Variants in CRB1 observed in about 807,000 individuals in gnomAD.
CRB1 encodes the protein protein crumbs homolog 1.
Under a neutral mutation model 120.0 loss-of-function variants are expected in CRB1, and 83 were observed. The ratio of observed to expected loss-of-function variants is 0.69; its 90% CI spans 0.58 to 0.83. The LOEUF (loss-of-function observed/expected upper bound fraction) is 0.83, where lower values mean the gene tolerates loss of function less well. CRB1 is among the 40% of genes least tolerant of loss of function. The probability of loss-of-function intolerance (pLI) is 0.00; values close to 1 mark genes in which losing one functional copy is unlikely to be tolerated. For missense variants in CRB1, 1,699 were observed against 1,687.6 expected, an observed-to-expected ratio of 1.01 and a Z score of -0.12; for synonymous variants, 625 against 612.5, an observed-to-expected ratio of 1.02 and a Z score of -0.30.
At chr1:197,268,512 C>A in intron 1 of CRB1, 30 bp downstream of exon 1, 1 of 1,480,894 alleles carries the variant, frequency 6.8e-7, no homozygotes, top group Non-Finnish European at 9.4e-7. Context: ...GGCATTTTTC[C>A]TGGTTTATTT....
At chr1:197,331,081 C>G (rs1412535559) in intron 2 of CRB1, among the ~76,000 whole-genome samples, 2 of 151,902 alleles carry the variant, frequency 1.3e-5, no homozygotes, top group Non-Finnish European at 2.9e-5. Flanking sequence ...ACTCATGAAC[C>G]CGGGAGGCAG....
intron 11 of CRB1, among the ~76,000 whole-genome samples, chr1:197,460,520 C>T (rs1435800209): frequency 6.6e-6 from 1 of 152,038 alleles, no homozygotes; most frequent in African/African-American, 2.4e-5. Context: ...AAGGGTTGTG[C>T]CTTCTCTGAT....
intron 5 of CRB1, among the ~76,000 whole-genome samples, chr1:197,398,602 A>G (rs981228784): frequency 6.6e-6 from 1 of 152,186 alleles, no homozygotes; most frequent in African/African-American, 2.4e-5. Context: ...TGTTAGATGA[A>G]TGGTCAAATT....
At position 197,280,123 on chromosome 1, in the gene CRB1, T is replaced by A. The variant is rs563736963; in HGVS notation, c.70+11641T>A. On this transcript the variant is annotated intron_variant, in intron 1 of 11. Coordinates refer to ENST00000367400, the MANE Select transcript of CRB1 (RefSeq NM_201253.3). ...CACAACCATATCACACGGTCAGAAT[T>A]TGGAAATACCAGCGTCACCATTCAT... Among the ~76,000 whole-genome samples the A allele has an allele frequency of 1.1e-3, 173 of 151,966 alleles. 1 individual carries two copies. The highest frequency in any genetic ancestry group is 3.8e-3 in the African/African-American group (157 of 41,506).
intron 1 of CRB1, among the ~76,000 whole-genome samples, chr1:197,275,438 A>G (rs1037657564): frequency 6.6e-6 from 1 of 152,084 alleles, no homozygotes; most frequent in African/African-American, 2.4e-5. Context: ...TGGAGTAAAT[A>G]GTTGTTATGT....
the CRB1 span, among the ~76,000 whole-genome samples, chr1:197,249,348 A>G: frequency 3.9e-5 from 6 of 152,118 alleles, no homozygotes; most frequent in Non-Finnish European, 7.4e-5. Flanking sequence ...ATCTTGTACA[A>G]AGAACATGGA....
At chr1:197,445,979 C>T (rs1357845951) in intron 11 of CRB1, among the ~76,000 whole-genome samples, 4 of 152,084 alleles carry the variant, frequency 2.6e-5, no homozygotes, top group Admixed American at 2.0e-4. Flanking sequence ...GACCTGCAGT[C>T]AGGAGTTCAA....
At chr1:197,369,377 C>T (rs759346037) in intron 5 of CRB1, among the ~76,000 whole-genome samples, 2 of 152,032 alleles carry the variant, frequency 1.3e-5, no homozygotes, top group Admixed American at 6.6e-5. Context: ...CACCATGACA[C>T]GCACATTCAC....
chr1:197,352,669 C>T (rs972911255), intron 4 of CRB1, among the ~76,000 whole-genome samples: 70 of 146,544 alleles, frequency 4.8e-4, no homozygotes, highest in Non-Finnish European at 8.8e-4. Context: ...CTTGATCTGA[C>T]ATGTTATTTT....
intron 2 of CRB1, 146 bp downstream of exon 2, chr1:197,329,149 T>A: frequency 1.3e-6 from 1 of 759,754 alleles, no homozygotes; most frequent in Non-Finnish European, 2.3e-6. Context: ...AGAAACTCCC[T>A]AAACTGCTGA....
At chr1:197,324,959 A>T (rs762658910) in intron 1 of CRB1, among the ~76,000 whole-genome samples, 1 of 152,194 alleles carries the variant, frequency 6.6e-6, no homozygotes, top group Non-Finnish European at 1.5e-5. Context: ...TCTACTTCTT[A>T]TTTTAACTGC....
chr1:197,304,042 G>A (rs1043096315), intron 1 of CRB1, among the ~76,000 whole-genome samples: 1 of 152,106 alleles, frequency 6.6e-6, no homozygotes, highest in Admixed American at 6.6e-5. Flanking sequence ...TGGAAAAATG[G>A]AAGAGTTATA....
At chr1:197,345,612 A>G (rs147963846) in intron 3 of CRB1, among the ~76,000 whole-genome samples, 5 of 149,392 alleles carry the variant, frequency 3.3e-5, no homozygotes, top group African/African-American at 1.2e-4. Flanking sequence ...GGTTCAAGCA[A>G]TTCTCCTGCC....
chr1:197,344,948 G>C (rs1659683402), intron 3 of CRB1, among the ~76,000 whole-genome samples: 1 of 152,098 alleles, frequency 6.6e-6, no homozygotes, highest in Non-Finnish European at 1.5e-5. Context: ...CAGGGAATTG[G>C]GTGAATATTT....
intron 4 of CRB1, among the ~76,000 whole-genome samples, chr1:197,355,093 G>C (rs1484304798): frequency 6.6e-6 from 1 of 151,862 alleles, no homozygotes; most frequent in Non-Finnish European, 1.5e-5. Context: ...CCTTGAGCTA[G>C]ACACAGGGTG....
In CRB1 at chr1:197,346,810, C is replaced by T. The variant is rs114933059; in HGVS notation, c.849-530C>T. On this transcript the variant is annotated intron_variant, in intron 3 of 11. Coordinates refer to ENST00000367400, the MANE Select transcript of CRB1 (RefSeq NM_201253.3). The stretch of plus-strand genomic sequence containing the variant: ...TTCTTGCAATCTAAAAATAAGAGAA[C>T]ATCGTAAGTCACAATTCATTTAATA... Among the ~76,000 whole-genome samples the T allele has an allele frequency of 8.3e-3, 1,269 of 152,232 alleles. 23 individuals carry two copies. Among genetic ancestry groups the T allele is most frequent in the African/African-American group, 0.029 (1,214 of 41,512 alleles).
At chr1:197,408,485 C>T (rs1305546404) in intron 5 of CRB1, among the ~76,000 whole-genome samples, 1 of 152,062 alleles carries the variant, frequency 6.6e-6, no homozygotes, top group Non-Finnish European at 1.5e-5. Context: ...GAATGTCGGG[C>T]CTTACCAGGT....
chr1:197,250,870 T>A, the CRB1 span, among the ~76,000 whole-genome samples: 1 of 152,040 alleles, frequency 6.6e-6, no homozygotes, highest in East Asian at 1.9e-4. Context: ...TTCTTTCCCT[T>A]GTGTCTCCTG....
At chr1:197,288,864 T>A (rs563852335) in intron 1 of CRB1, among the ~76,000 whole-genome samples, 2 of 151,398 alleles carry the variant, frequency 1.3e-5, no homozygotes, top group South Asian at 2.1e-4. Context: ...TTACAAAGTC[T>A]AAGATATGCA....
Sources: allele counts gnomAD v4.1 joint callset (sites outside exome capture counted in the v4.1 genomes callset), GRCh38; gene constraint gnomAD v4.1.1; transcripts MANE v1.5; gene names NCBI Gene and HGNC (gene_info 2026-07-23, HGNC 2026-07-21).